DENND2B: variants seen among roughly 807,000 people sequenced by gnomAD.
The protein encoded by DENND2B is DENN domain containing 2B.
Under a neutral mutation model 116.0 loss-of-function variants are expected in DENND2B, and 32 were observed. That is an observed-to-expected ratio of 0.28 (90% CI 0.21 to 0.37). The LOEUF (loss-of-function observed/expected upper bound fraction) is 0.37. DENND2B is among the 10% of genes least tolerant of loss of function. The probability of loss-of-function intolerance (pLI) is 1.00; values close to 1 mark genes in which losing one functional copy is unlikely to be tolerated. For missense variants in DENND2B, 1,276 were observed against 1,477.7 expected, an observed-to-expected ratio of 0.86 and a Z score of 2.24; for synonymous variants, 588 against 583.9, an observed-to-expected ratio of 1.01 and a Z score of -0.10.
chr11:8,702,798 A>G lies in DENND2B; in HGVS notation c.2572-78T>C, dbSNP rs1592396623. The G allele has an allele frequency of 2.1e-5, 33 of 1,560,166 alleles. No individual in the cohort carries two copies. Among genetic ancestry groups the G allele is most frequent in the Non-Finnish European group, 2.8e-5 (32 of 1,153,524 alleles). ...CTCTGGCCCTCCACGAAGCAACTGG[A>G]GCTGCTTTCCCCTTCCAACCTGCTC... On this transcript the variant is annotated intron_variant, in intron 13 of 19. Transcript: ENST00000313726. The surrounding 1 kb of genome is among the most constrained non-coding windows in gnomAD (Gnocchi z 4.6).
chr11:8,797,476 C>A (rs1407913893), intron 1 of DENND2B, among the ~76,000 whole-genome samples: 1 of 134,362 alleles, frequency 7.4e-6, no homozygotes, highest in Non-Finnish European at 1.6e-5. Context: ...CCTTTCTTCC[C>A]CTTCTTCCCT....
intron 3 of DENND2B, among the ~76,000 whole-genome samples, chr11:8,840,854 G>A (rs1394143731): frequency 6.6e-6 from 1 of 150,808 alleles, no homozygotes; most frequent in Non-Finnish European, 1.5e-5. Flanking sequence ...GAAAGCCTAA[G>A]AACTGTTCTC....
intron 1 of DENND2B, among the ~76,000 whole-genome samples, chr11:8,791,558 G>C (rs2059379738): frequency 6.6e-6 from 1 of 151,988 alleles, no homozygotes; most frequent in Admixed American, 6.5e-5. Flanking sequence ...CTCAAGGTCA[G>C]GAGTTCAAGA....
chr11:8,700,433 G>T (rs928772347), intron 14 of DENND2B, among the ~76,000 whole-genome samples: 1 of 152,190 alleles, frequency 6.6e-6, no homozygotes, highest in Admixed American at 6.5e-5. Context: ...CAGCAGCTCT[G>T]GTTTTTCTTC....
chr11:8,776,446 AAAC>A, intron 1 of DENND2B: 1 of 361,646 alleles, frequency 2.8e-6, no homozygotes, highest in Admixed American at 3.7e-5. Flanking sequence ...ACAGGAAGGA[AAAC>A]AACACAGTCC....
chr11:8,908,609 C>T (rs2064268996), intron 1 of DENND2B, among the ~76,000 whole-genome samples: 2 of 150,968 alleles, frequency 1.3e-5, no homozygotes, highest in African/African-American at 4.9e-5. Context: ...AAGCAGTTAA[C>T]GGGTATCTTA....
At chr11:8,860,774 C>T (rs2063364192) in intron 2 of DENND2B, among the ~76,000 whole-genome samples, 1 of 152,138 alleles carries the variant, frequency 6.6e-6, no homozygotes, top group Non-Finnish European at 1.5e-5. Flanking sequence ...GTAGACATCA[C>T]GTTACCTGAC....
At chr11:8,830,824 A>T (rs978881106) in intron 4 of DENND2B, 2 of 152,242 alleles carry the variant, frequency 1.3e-5, no homozygotes, top group Non-Finnish European at 2.9e-5. Context: ...ATTTAGCTCC[A>T]TTCTTCATGT....
chr11:8,704,529 A>G (rs2042257236), intron 13 of DENND2B, among the ~76,000 whole-genome samples: 1 of 152,192 alleles, frequency 6.6e-6, no homozygotes, highest in South Asian at 2.1e-4. Context: ...TGAAGGGGAG[A>G]AAAGAGGCGA....
intron 1 of DENND2B, among the ~76,000 whole-genome samples, chr11:8,800,298 G>T (rs2060205529): frequency 1.3e-5 from 2 of 152,050 alleles, no homozygotes; most frequent in Admixed American, 1.3e-4. Flanking sequence ...CACATATTAG[G>T]TCACAAATTG....
At chr11:8,773,570 TCAGAAAGTGG>T (rs1321482157) in intron 1 of DENND2B, among the ~76,000 whole-genome samples, 1 of 151,950 alleles carries the variant, frequency 6.6e-6, no homozygotes, top group African/African-American at 2.4e-5. Flanking sequence ...TGAGACAGAG[TCAGAAAGTGG>T]GGCATTTGAC....
chr11:8,903,378 C>G (rs2064194027), intron 1 of DENND2B, among the ~76,000 whole-genome samples: 1 of 149,960 alleles, frequency 6.7e-6, no homozygotes, highest in African/African-American at 2.5e-5. Context: ...GATTGCACTA[C>G]TGCATTCCAG....
Position 8,693,925 on chromosome 11 carries a change from G to T in DENND2B, c.*171C>A. 1.6e-6 allele frequency: 1 copy of T among 608,226 alleles called. No individual in the cohort carries two copies. The allele number at this position is 608,226 out of a possible 1,614,324, so 37.7% of individuals were successfully genotyped here. A position where few individuals can be genotyped will look rare whatever the true frequency, so the allele number is the denominator to read the frequency against. ...AAAACAGTTAAGAAAGCTTACAGCA[G>T]ATTATTTACAAACAGTATCCTGGGA... On this transcript the variant is annotated 3_prime_UTR_variant, in exon 20 of 20. Coordinates refer to ENST00000313726, the MANE Select transcript of DENND2B (RefSeq NM_213618.2).
intron 2 of DENND2B, among the ~76,000 whole-genome samples, chr11:8,865,836 G>C (rs1289943766): frequency 7.0e-6 from 1 of 143,594 alleles, no homozygotes; most frequent in Non-Finnish European, 1.5e-5. Context: ...TACCATACTA[G>C]GAGATTACAT....
intron 4 of DENND2B, among the ~76,000 whole-genome samples, chr11:8,719,728 A>AG (rs1192447005): frequency 2.0e-5 from 3 of 152,220 alleles, no homozygotes; most frequent in African/African-American, 7.2e-5. Flanking sequence ...GGGGGAACTA[A>AG]GAAGGGAGAA....
At chr11:8,910,949 C>CCCGACCCCCGGCCG (rs2064318356) in exon 1 of DENND2B, 1 of 30,596 alleles carries the variant, frequency 3.3e-5, no homozygotes, top group African/African-American at 6.6e-5. Context: ...ACCCCCGACC[C>CCCGACCCCCGGCCG]CCGGCCCCCG....
chr11:8,832,008 C>G (rs989222848), intron 4 of DENND2B: 1 of 152,166 alleles, frequency 6.6e-6, no homozygotes, highest in Admixed American at 6.5e-5. Flanking sequence ...TGCCTCTAAG[C>G]TCCTTCCTCA....
intron 4 of DENND2B, among the ~76,000 whole-genome samples, chr11:8,818,764 G>A (rs1023425193): frequency 7.2e-5 from 11 of 152,106 alleles, no homozygotes; most frequent in Admixed American, 3.3e-4. Flanking sequence ...TGTGTACCAC[G>A]TACAATTAAT....
At chr11:8,811,313 C>T (rs190864574), upstream of DENND2B, 143 of 398,538 alleles carry the variant, frequency 3.6e-4, no homozygotes, top group African/African-American at 2.7e-3. Flanking sequence ...CTAGTGGTGG[C>T]GCCTAAGCAG....
Sources: gnomAD v4.1 joint callset for allele counts (sites outside exome capture counted in the v4.1 genomes callset) on GRCh38, gnomAD v4.1.1 for gene constraint, Gnocchi (gnomAD v3.1) non-coding constraint, MANE v1.5 for transcripts, NCBI Gene and HGNC (gene_info 2026-07-23, HGNC 2026-07-21) for gene names.